The following EGFLAM variants were observed in gnomAD, a reference collection of about 807,000 sequenced individuals.
EGFLAM encodes the protein pikachurin.
EGFLAM carries 79 observed loss-of-function variants against 113.1 expected under a neutral mutation model. That is an observed-to-expected ratio of 0.70 (90% CI 0.58 to 0.84). The LOEUF (loss-of-function observed/expected upper bound fraction) is 0.84, where lower values mean the gene tolerates loss of function less well. Ranked by LOEUF, EGFLAM falls within the 40% of genes least tolerant of loss-of-function variation. The pLI is 0.00. For missense variants in EGFLAM, 1,265 were observed against 1,291.6 expected (o/e 0.98, Z 0.32); for synonymous variants, 504 against 487.6 (o/e 1.03, Z -0.44).
intron 5 of EGFLAM, among the ~76,000 whole-genome samples, chr5:38,355,886 G>A (rs562447895): frequency 1.3e-5 from 2 of 151,946 alleles, no homozygotes; most frequent in African/African-American, 2.4e-5. Flanking sequence ...TCAGCCTCCC[G>A]AGTAGCTGGG....
At chr5:38,406,516 GA>G (rs1741288935) in intron 7 of EGFLAM, among the ~76,000 whole-genome samples, 1 of 152,140 alleles carries the variant, frequency 6.6e-6, no homozygotes. Flanking sequence ...GGAAATTTCA[GA>G]AAATCAAGTA....
At chr5:38,299,606 A>T (rs1758524232) in intron 1 of EGFLAM, among the ~76,000 whole-genome samples, 1 of 152,094 alleles carries the variant, frequency 6.6e-6, no homozygotes, top group Non-Finnish European at 1.5e-5. Flanking sequence ...GGGCCTTTAA[A>T]TCATTAGTAG....
At chr5:38,394,126 G>A (rs1740889953) in intron 6 of EGFLAM, among the ~76,000 whole-genome samples, 1 of 151,738 alleles carries the variant, frequency 6.6e-6, no homozygotes, top group Non-Finnish European at 1.5e-5. Flanking sequence ...TCTGCTCACC[G>A]TTCAGCTGCT....
intron 11 of EGFLAM, among the ~76,000 whole-genome samples, chr5:38,412,973 A>G (rs1321632226): frequency 6.6e-6 from 1 of 152,112 alleles, no homozygotes; most frequent in Non-Finnish European, 1.5e-5. Context: ...CCCTAAGTAC[A>G]TCAAAGCCAG....
intron 19 of EGFLAM, among the ~76,000 whole-genome samples, chr5:38,456,984 A>G (rs1377059103): frequency 2.0e-5 from 3 of 152,148 alleles, no homozygotes. Context: ...GAATAATTGA[A>G]TGAACACTGG....
chr5:38,427,708 C>T (rs960804179), intron 14 of EGFLAM, among the ~76,000 whole-genome samples: 2 of 152,140 alleles, frequency 1.3e-5, no homozygotes, highest in Admixed American at 1.3e-4. Context: ...GATGACCTCA[C>T]TCTAAATATT....
At chr5:38,314,008 T>C (rs1469515516) in intron 1 of EGFLAM, among the ~76,000 whole-genome samples, 1 of 152,206 alleles carries the variant, frequency 6.6e-6, no homozygotes, top group Non-Finnish European at 1.5e-5. Context: ...TTGTATAATG[T>C]TTGTTTTGTG....
intron 6 of EGFLAM, among the ~76,000 whole-genome samples, chr5:38,383,908 G>A (rs949673982): frequency 6.6e-6 from 1 of 152,020 alleles, no homozygotes; most frequent in Non-Finnish European, 1.5e-5. Flanking sequence ...CCCACGTGGT[G>A]GGAATGTGGT....
intron 1 of EGFLAM, among the ~76,000 whole-genome samples, chr5:38,307,497 G>T (rs1758752851): frequency 6.6e-6 from 1 of 152,196 alleles, no homozygotes; most frequent in Non-Finnish European, 1.5e-5. Flanking sequence ...TTCACCTTCT[G>T]CCATGATTGT....
At chr5:38,301,419 T>A (rs920390436) in intron 1 of EGFLAM, among the ~76,000 whole-genome samples, 3 of 152,024 alleles carry the variant, frequency 2.0e-5, no homozygotes, top group African/African-American at 7.3e-5. Context: ...AGAAAGGTAT[T>A]TTAGCAGCAT....
intron 6 of EGFLAM, among the ~76,000 whole-genome samples, chr5:38,395,270 G>A (rs1266503870): frequency 1.4e-5 from 2 of 144,794 alleles, no homozygotes; most frequent in Non-Finnish European, 3.0e-5. Context: ...TAGAGACTGG[G>A]TCTCGGTCTG....
At chr5:38,298,115 G>A (rs1758489922) in intron 1 of EGFLAM, among the ~76,000 whole-genome samples, 1 of 152,188 alleles carries the variant, frequency 6.6e-6, no homozygotes, top group African/African-American at 2.4e-5. Context: ...GATAAGAGGG[G>A]ATCTGTTGTC....
Position 38,409,002 on chromosome 5 carries a change from A to G in EGFLAM, c.1249-2A>G. Reference sequence around the variant, plus strand: ...ATGTGGCTTTTGTTTGTATAATCACAGGCGGAGGCAGAGGATGGCTTACTG... The same window carrying G: ...ATGTGGCTTTTGTTTGTATAATCACGGGCGGAGGCAGAGGATGGCTTACTG... On this transcript the variant is annotated splice_acceptor_variant, in intron 9 of 21. Coordinates refer to ENST00000322350, the MANE Select transcript of EGFLAM (RefSeq NM_152403.4). LOFTEE classifies it high-confidence loss of function. The G allele has an allele frequency of 6.3e-7, 1 of 1,582,320 alleles. No individual in the cohort carries two copies.
At chr5:38,432,673 T>A (rs1185648324) in intron 15 of EGFLAM, among the ~76,000 whole-genome samples, 1 of 152,226 alleles carries the variant, frequency 6.6e-6, no homozygotes, top group Admixed American at 6.5e-5. Flanking sequence ...TAAATCCAAT[T>A]GTATCTCTAT....
intron 5 of EGFLAM, among the ~76,000 whole-genome samples, chr5:38,369,175 T>C (rs535780824): frequency 6.6e-6 from 1 of 152,362 alleles, no homozygotes; most frequent in African/African-American, 2.4e-5. Flanking sequence ...GTTTACGTTT[T>C]CTAAGAGTGG....
rs533913996 is a variant in EGFLAM at position 38,452,151 on chromosome 5, C to T, written c.2687+693C>T. On this transcript the variant is annotated intron_variant, in intron 19 of 21. Transcript: ENST00000322350. ...TTCTGGGTTCAAGTGATTCTCTTACCTCTGCCTCCCTAGTAGCTGGGATTA... is the reference window on the plus strand; with the variant it reads ...TTCTGGGTTCAAGTGATTCTCTTACTTCTGCCTCCCTAGTAGCTGGGATTA... Among the ~76,000 whole-genome samples, 54 of 151,536 alleles carry T rather than the reference C, an allele frequency of 3.6e-4. No individual in the cohort carries two copies. In the South Asian group the frequency reaches 0.011, roughly 30 times the overall value.
chr5:38,432,325 A>T (rs2561807), intron 15 of EGFLAM, among the ~76,000 whole-genome samples: 15,269 of 152,122 alleles, frequency 0.1, 795 homozygotes, highest in Middle Eastern at 0.12. Context: ...AAAGGGACAC[A>T]TGTGTCCAGA....
intron 12 of EGFLAM, among the ~76,000 whole-genome samples, chr5:38,421,319 G>A (rs1389413188): frequency 6.6e-6 from 1 of 152,116 alleles, no homozygotes; most frequent in African/African-American, 2.4e-5. Context: ...GCATTCTCTG[G>A]TCCAGCTCTT....
rs139775075 is a variant in EGFLAM at position 38,408,893 on chromosome 5, AG to A, written c.1249-109del. ...CCCACATGCTTGACCCTTTGTAGATAGGATCGTGGAGGAGAAAATGCTCAAG... is the reference window on the plus strand; with the variant it reads ...CCCACATGCTTGACCCTTTGTAGATAGATCGTGGAGGAGAAAATGCTCAAG... On this transcript the variant is annotated intron_variant, in intron 9 of 21. Coordinates refer to ENST00000322350, the MANE Select transcript of EGFLAM (RefSeq NM_152403.4). 540 of 882,038 alleles carry A rather than the reference AG, an allele frequency of 6.1e-4. 5 individuals carry two copies. The East Asian group carries it at 0.014, about 23-fold the overall frequency. The allele number at this position is 882,038 out of a possible 1,614,324, so 54.6% of individuals were successfully genotyped here.
Sources: gnomAD v4.1 joint callset for allele counts (sites outside exome capture counted in the v4.1 genomes callset) on GRCh38, gnomAD v4.1.1 for gene constraint, MANE v1.5 for transcripts, NCBI Gene and HGNC (gene_info 2026-07-23, HGNC 2026-07-21) for gene names.